PSMA1: variants seen among roughly 807,000 people sequenced by gnomAD.
PSMA1 encodes the protein proteasome subunit alpha type-1.
Under a neutral mutation model 38.4 loss-of-function variants are expected in PSMA1, and 3 were observed. The ratio of observed to expected loss-of-function variants is 0.08; its 90% CI spans 0.04 to 0.20. PSMA1 has a LOEUF of 0.20. Ranked by LOEUF, PSMA1 falls within the 10% of genes least tolerant of loss-of-function variation. The probability of loss-of-function intolerance (pLI) is 1.00; values close to 1 mark genes in which losing one functional copy is unlikely to be tolerated. For missense variants in PSMA1, 227 were observed against 325.3 expected (o/e 0.70, Z 2.32); for synonymous variants, 101 against 107.1 (o/e 0.94, Z 0.35).
At chr11:14,603,850 T>C (rs751931350) in intron 2 of PSMA1, among the ~76,000 whole-genome samples, 2 of 152,210 alleles carry the variant, frequency 1.3e-5, no homozygotes, top group Non-Finnish European at 2.9e-5. Flanking sequence ...CAAGAAATAT[T>C]CCAGGAATTC....
At chr11:14,635,211 A>G (rs979214789) in intron 1 of PSMA1, among the ~76,000 whole-genome samples, 9 of 152,240 alleles carry the variant, frequency 5.9e-5, no homozygotes, top group Non-Finnish European at 1.0e-4. Flanking sequence ...CTGGTTAAAG[A>G]GCCATAGTTT....
At chr11:14,630,821 T>A (rs1852994600) in intron 1 of PSMA1, among the ~76,000 whole-genome samples, 1 of 152,188 alleles carries the variant, frequency 6.6e-6, no homozygotes, top group African/African-American at 2.4e-5. Flanking sequence ...GGTAAGCTAT[T>A]GATTATTGCC....
chr11:14,514,398 G>T lies in PSMA1; in HGVS notation c.343+5C>A. ...TATCCATAAATGCTAACATAAAAAGGATACTGCTTCCAATTAGAGATACAA... is the reference window on the plus strand; with the variant it reads ...TATCCATAAATGCTAACATAAAAAGTATACTGCTTCCAATTAGAGATACAA... On this transcript the variant is annotated splice_donor_5th_base_variant and intron_variant, in intron 5 of 9. Coordinates refer to ENST00000396394, the MANE Select transcript of PSMA1 (RefSeq NM_002786.4). The T allele has an allele frequency of 6.2e-7, 1 of 1,601,002 alleles. No individual in the cohort carries two copies.
intron 2 of PSMA1, among the ~76,000 whole-genome samples, chr11:14,545,266 G>A (rs1264063809): frequency 6.6e-6 from 1 of 152,100 alleles, no homozygotes; most frequent in Non-Finnish European, 1.5e-5. Context: ...AAACAAATTT[G>A]GGATATAGTG....
intron 2 of PSMA1, among the ~76,000 whole-genome samples, chr11:14,575,830 A>G (rs1373229313): frequency 3.3e-5 from 5 of 152,210 alleles, no homozygotes; most frequent in African/African-American, 7.2e-5. Flanking sequence ...TTGAGGAATC[A>G]CCACACTGTC....
At chr11:14,588,112 A>C (rs999342958) in intron 2 of PSMA1, among the ~76,000 whole-genome samples, 1 of 152,256 alleles carries the variant, frequency 6.6e-6, no homozygotes, top group Non-Finnish European at 1.5e-5. Flanking sequence ...TGACAAACAC[A>C]CCAAACTGAG....
chr11:14,575,298 T>A (rs1852198195), intron 2 of PSMA1, among the ~76,000 whole-genome samples: 1 of 152,172 alleles, frequency 6.6e-6, no homozygotes, highest in African/African-American at 2.4e-5. Flanking sequence ...CTAGGGTACA[T>A]ATGCACAATG....
At chr11:14,581,805 G>C (rs933096564) in intron 2 of PSMA1, among the ~76,000 whole-genome samples, 2 of 152,150 alleles carry the variant, frequency 1.3e-5, no homozygotes, top group African/African-American at 4.8e-5. Context: ...ATATCCCTTA[G>C]CTCTGCTTTC....
At chr11:14,539,860 CAAAG>C (rs1851752032) in intron 2 of PSMA1, among the ~76,000 whole-genome samples, 1 of 121,798 alleles carries the variant, frequency 8.2e-6, no homozygotes, top group African/African-American at 3.1e-5. Flanking sequence ...AACAAACAAA[CAAAG>C]AAAAAAAAAA....
chr11:14,576,953 C>A lies in PSMA1; in HGVS notation c.21+34013G>T, dbSNP rs184001949. ...CATTTCTTTGTGTCCTCTTTTATTT[C>A]GTTGAGCAGTGTTTTGTAGTTCTCC... On this transcript the variant is annotated intron_variant, in intron 2 of 10. Coordinates refer to the PSMA1 transcript ENST00000418988. Among the ~76,000 whole-genome samples the A allele has an allele frequency of 4.5e-4, 69 of 152,256 alleles. No individual in the cohort carries two copies. The East Asian group carries it at 0.012, about 27-fold the overall frequency.
intron 2 of PSMA1, among the ~76,000 whole-genome samples, chr11:14,542,004 T>C (rs553811118): frequency 6.6e-6 from 1 of 152,374 alleles, no homozygotes; most frequent in African/African-American, 2.4e-5. Flanking sequence ...GATCAAATAG[T>C]TTATAGCTAC....
intron 2 of PSMA1, among the ~76,000 whole-genome samples, chr11:14,596,432 TG>T (rs1489559257): frequency 6.6e-6 from 1 of 152,228 alleles, no homozygotes; most frequent in Non-Finnish European, 1.5e-5. Flanking sequence ...AGCAGTGGTT[TG>T]TAGTTCTCCT....
chr11:14,514,090 A>G, intron 5 of PSMA1: 1 of 1,319,174 alleles, frequency 7.6e-7, no homozygotes, highest in Non-Finnish European at 9.6e-7. Context: ...TGCCAGCAAA[A>G]TAATTTCTTC....
intron 1 of PSMA1, among the ~76,000 whole-genome samples, chr11:14,633,813 G>C (rs57216871): frequency 3.3e-5 from 5 of 152,164 alleles, no homozygotes; most frequent in African/African-American, 1.2e-4. Flanking sequence ...AGGACCCTCC[G>C]AGCCAGGTGC....
intron 1 of PSMA1, chr11:14,519,345 T>C: frequency 2.4e-6 from 1 of 425,496 alleles, no homozygotes; most frequent in South Asian, 1.8e-5. Context: ...TGCCTATTTT[T>C]GCTTATGCTG....
intron 2 of PSMA1, among the ~76,000 whole-genome samples, chr11:14,550,346 G>A (rs1165304729): frequency 6.6e-6 from 1 of 152,192 alleles, no homozygotes; most frequent in Admixed American, 6.5e-5. Flanking sequence ...CCCAGTTGAA[G>A]TGATCTTTAA....
intron 2 of PSMA1, among the ~76,000 whole-genome samples, chr11:14,572,116 G>A (rs957500411): frequency 6.6e-6 from 1 of 152,104 alleles, no homozygotes; most frequent in Non-Finnish European, 1.5e-5. Flanking sequence ...GAAACAGAAA[G>A]TTAACAAGGA....
chr11:14,617,437 T>C (rs1298662824), intron 1 of PSMA1, among the ~76,000 whole-genome samples: 4 of 152,190 alleles, frequency 2.6e-5, no homozygotes, highest in African/African-American at 9.7e-5. Context: ...AGAAATCTTT[T>C]TCTATTAATC....
intron 2 of PSMA1, among the ~76,000 whole-genome samples, chr11:14,595,827 T>C (rs1852484066): frequency 1.3e-5 from 2 of 152,244 alleles, no homozygotes; most frequent in Admixed American, 6.5e-5. Flanking sequence ...CATGCCTATG[T>C]CCTGAATGGT....
Sources: allele counts gnomAD v4.1 joint callset (sites outside exome capture counted in the v4.1 genomes callset), GRCh38; gene constraint gnomAD v4.1.1; transcripts MANE v1.5; gene names NCBI Gene and HGNC (gene_info 2026-07-23, HGNC 2026-07-21).